ADARB2: variants seen among roughly 807,000 people sequenced by gnomAD.
ADARB2 encodes the protein inactive double-stranded RNA-specific editase B2.
ADARB2 carries 25 observed loss-of-function variants against 62.2 expected under a neutral mutation model. That is an observed-to-expected ratio of 0.40 (90% CI 0.29 to 0.56). The LOEUF is 0.56. ADARB2 is among the 20% of genes least tolerant of loss of function. The pLI, the probability that ADARB2 is intolerant of heterozygous loss-of-function variation, is 0.43. For synonymous variants in ADARB2, 572 were observed against 500.8 expected, an observed-to-expected ratio of 1.14 and a Z score of -1.90; for missense variants, 1,071 against 1,077.4, an observed-to-expected ratio of 0.99 and a Z score of 0.08.
chr10:1,494,078 A>G (rs145298525), intron 1 of ADARB2, among the ~76,000 whole-genome samples: 136 of 152,212 alleles, frequency 8.9e-4, no homozygotes, highest in African/African-American at 3.2e-3. Context: ...TATGCCAAGT[A>G]TAGTACCTGG....
intron 3 of ADARB2, among the ~76,000 whole-genome samples, chr10:1,354,036 C>T (rs1832170381): frequency 6.6e-6 from 1 of 152,118 alleles, no homozygotes; most frequent in Non-Finnish European, 1.5e-5. Flanking sequence ...TCACCCCTTA[C>T]CACAAAATCA....
chr10:1,313,133 A>G (rs1831707289), intron 3 of ADARB2, among the ~76,000 whole-genome samples: 1 of 151,802 alleles, frequency 6.6e-6, no homozygotes, highest in Non-Finnish European at 1.5e-5. Context: ...CCAGCCGTGG[A>G]GTGGGGTGGG....
chr10:1,396,317 C>T (rs1351337999), intron 1 of ADARB2, among the ~76,000 whole-genome samples: 3 of 152,280 alleles, frequency 2.0e-5, no homozygotes, highest in East Asian at 1.9e-4. Flanking sequence ...GGTGACCCAT[C>T]GCAGCTGCAC....
intron 1 of ADARB2, among the ~76,000 whole-genome samples, chr10:1,438,365 G>A (rs1564289057): frequency 7.3e-6 from 1 of 136,512 alleles, no homozygotes; most frequent in Non-Finnish European, 1.5e-5. Context: ...AGTCTCCTCA[G>A]CAGATGGAAG....
chr10:1,279,324 G>C (rs1831350225), intron 3 of ADARB2, among the ~76,000 whole-genome samples: 1 of 152,158 alleles, frequency 6.6e-6, no homozygotes, highest in Non-Finnish European at 1.5e-5. Context: ...TTGTTTGTCT[G>C]TTTGATTTTG....
intron 1 of ADARB2, among the ~76,000 whole-genome samples, chr10:1,690,036 G>C (rs1166888104): frequency 3.3e-5 from 5 of 152,194 alleles, no homozygotes; most frequent in African/African-American, 1.2e-4. Context: ...GCTCACCGAA[G>C]TCTTTGCTAA....
At chr10:1,552,901 T>C (rs1027553462) in intron 1 of ADARB2, among the ~76,000 whole-genome samples, 1 of 141,398 alleles carries the variant, frequency 7.1e-6, no homozygotes, top group African/African-American at 2.6e-5. Context: ...TTACCTCCTG[T>C]GGAACGGAAC....
intron 1 of ADARB2, among the ~76,000 whole-genome samples, chr10:1,421,229 C>T (rs1046828477): frequency 6.6e-5 from 10 of 151,976 alleles, no homozygotes; most frequent in Non-Finnish European, 1.3e-4. Flanking sequence ...ACAGCCTGTG[C>T]ACCTGCCCGT....
At chr10:1,309,587 C>A (rs1366080947) in intron 3 of ADARB2, among the ~76,000 whole-genome samples, 1 of 152,246 alleles carries the variant, frequency 6.6e-6, no homozygotes, top group East Asian at 1.9e-4. Context: ...GGATTATTAT[C>A]ATTCCAACAA....
chr10:1,254,170 C>T (rs1031792111), intron 4 of ADARB2, among the ~76,000 whole-genome samples: 1 of 137,294 alleles, frequency 7.3e-6, no homozygotes, highest in Non-Finnish European at 1.6e-5. Context: ...GTGGTTAGGA[C>T]ATGGTGGGCT....
intron 1 of ADARB2, among the ~76,000 whole-genome samples, chr10:1,616,982 T>C (rs1193151266): frequency 2.6e-4 from 34 of 128,404 alleles, no homozygotes; most frequent in East Asian, 5.2e-4. Context: ...CCTCAGAGGG[T>C]TACATTCTGT....
At chr10:1,336,001 G>A (rs530364380) in intron 3 of ADARB2, among the ~76,000 whole-genome samples, 15 of 152,348 alleles carry the variant, frequency 9.8e-5, no homozygotes, top group Admixed American at 8.5e-4. Context: ...CATGACAAAT[G>A]TAAACATAAT....
chr10:1,572,803 G>C (rs1832958699), intron 1 of ADARB2, among the ~76,000 whole-genome samples: 1 of 152,216 alleles, frequency 6.6e-6, no homozygotes, highest in South Asian at 2.1e-4. Context: ...CCTGAGCCAG[G>C]ACTTCCCCTG....
At position 1,460,897 on chromosome 10, in the gene ADARB2, A is replaced by G. The variant is rs944292396; in HGVS notation, c.101-81737T>C. On this transcript the variant is annotated intron_variant, in intron 1 of 9. Coordinates refer to ENST00000381312, the MANE Select transcript of ADARB2 (RefSeq NM_018702.4). ...CCTGTGACCTGAGTTTACCTGCGTT[A>G]CGAACCTGCCTGTGACCTGAGTTTA... Among the ~76,000 whole-genome samples the G allele has an allele frequency of 2.7e-4, 16 of 58,980 alleles. 1 individual carries two copies. Among genetic ancestry groups the G allele is most frequent in the Non-Finnish European group, 3.9e-4 (10 of 25,420 alleles). The allele number at this position is 58,980 out of a possible 152,430, so 38.7% of individuals were successfully genotyped here. A position where few individuals can be genotyped will look rare whatever the true frequency, so the allele number is the denominator to read the frequency against.
intron 6 of ADARB2, among the ~76,000 whole-genome samples, chr10:1,229,609 A>G (rs185910316): frequency 2.8e-4 from 13 of 46,778 alleles, no homozygotes; most frequent in African/African-American, 1.3e-3. Flanking sequence ...TAATCACGTC[A>G]TAGTTATATT....
intron 3 of ADARB2, among the ~76,000 whole-genome samples, chr10:1,325,765 A>G (rs1216780440): frequency 6.6e-6 from 1 of 152,100 alleles, no homozygotes; most frequent in African/African-American, 2.4e-5. Flanking sequence ...AAGGAAGACC[A>G]TGTGGGACGG....
intron 1 of ADARB2, among the ~76,000 whole-genome samples, chr10:1,723,316 C>T (rs1181587556): frequency 6.6e-6 from 1 of 152,216 alleles, no homozygotes; most frequent in African/African-American, 2.4e-5. Context: ...CCTCTGGGGA[C>T]CTGAGCTCTC....
At position 1,270,466 on chromosome 10, in the gene ADARB2, G is replaced by A. The variant is rs145275200; in HGVS notation, c.1192+489C>T. Among the ~76,000 whole-genome samples, 1,506 of 152,280 alleles carry A rather than the reference G, an allele frequency of 9.9e-3. 23 individuals carry two copies. The highest frequency in any genetic ancestry group is 0.021 in the South Asian group (100 of 4,822). ...GGTGGCTCGTTGTTTCCACAGGGCC[G>A]ATTGATCAAATTTAGCCCTCATTCA... On this transcript the variant is annotated intron_variant, in intron 4 of 9. Transcript: ENST00000381312.
At chr10:1,652,044 C>A (rs11250704) in intron 1 of ADARB2, among the ~76,000 whole-genome samples, 45,181 of 152,176 alleles carry the variant, frequency 0.3, 7,502 homozygotes, top group East Asian at 0.44. Flanking sequence ...CGGGGCTGCG[C>A]CTTTCTCTTT....
Sources: gnomAD v4.1 joint callset for allele counts (sites outside exome capture counted in the v4.1 genomes callset) on GRCh38, gnomAD v4.1.1 for gene constraint, MANE v1.5 for transcripts, NCBI Gene and HGNC (gene_info 2026-07-23, HGNC 2026-07-21) for gene names.